Variants in XKR6 observed in about 807,000 individuals in gnomAD.
The protein encoded by XKR6 is XK-related protein 6.
A neutral mutation model predicts 56.7 loss-of-function variants in XKR6; 22 were observed. That is an observed-to-expected ratio of 0.39 (90% confidence interval 0.28 to 0.55). The LOEUF (loss-of-function observed/expected upper bound fraction) is 0.55. Ranked by LOEUF, XKR6 falls within the 20% of genes least tolerant of loss-of-function variation. The probability of loss-of-function intolerance (pLI) is 0.66; values close to 1 mark genes in which losing one functional copy is unlikely to be tolerated. For synonymous variants in XKR6, 524 were observed against 387.8 expected, an observed-to-expected ratio of 1.35 and a Z score of -4.13; for missense variants, 852 against 889.0, an observed-to-expected ratio of 0.96 and a Z score of 0.53.
intron 1 of XKR6, among the ~76,000 whole-genome samples, chr8:11,136,686 C>T (rs929248157): frequency 1.3e-5 from 2 of 152,080 alleles, no homozygotes; most frequent in Non-Finnish European, 2.9e-5. Context: ...ACAGCAAGAA[C>T]GCATTCCCTC....
At chr8:11,197,572 A>G (rs1359003156) in intron 1 of XKR6, among the ~76,000 whole-genome samples, 1 of 152,230 alleles carries the variant, frequency 6.6e-6, no homozygotes, top group African/African-American at 2.4e-5. Flanking sequence ...TGAAAAATAA[A>G]GCACATCAAG....
rs578243059 is a variant in XKR6, at chr8:11,162,686, T to G, written c.764+37890A>C. Among the ~76,000 whole-genome samples, 12 of 152,350 alleles carry G rather than the reference T, an allele frequency of 7.9e-5. 1 individual carries two copies. The Middle Eastern group carries it at 0.01, about 130-fold the overall frequency. Reference sequence around the variant, plus strand: ...AGTCCAACTTCTGACTTTCTAAAAATTTTTAAACATTCTTACAAAAGGCCT... The same window carrying G: ...AGTCCAACTTCTGACTTTCTAAAAAGTTTTAAACATTCTTACAAAAGGCCT... On this transcript the variant is annotated intron_variant, in intron 1 of 2. Transcript: ENST00000416569.
chr8:11,127,281 G>T (rs1179810528), intron 1 of XKR6, among the ~76,000 whole-genome samples: 1 of 152,142 alleles, frequency 6.6e-6, no homozygotes, highest in Non-Finnish European at 1.5e-5. Flanking sequence ...AAGCTCTACT[G>T]CTTTCTTTTC....
chr8:11,148,168 C>G (rs7003183), intron 1 of XKR6, among the ~76,000 whole-genome samples: 8,262 of 152,208 alleles, frequency 0.054, 287 homozygotes, highest in South Asian at 0.11. Context: ...CAAGATCATA[C>G]CACTGTACTC....
At chr8:11,070,976 C>T (rs1477566066) in intron 1 of XKR6, among the ~76,000 whole-genome samples, 2 of 152,166 alleles carry the variant, frequency 1.3e-5, no homozygotes, top group African/African-American at 4.8e-5. Flanking sequence ...GGCGCTATCC[C>T]AAGAAGCTAC....
At chr8:11,023,139 C>T (rs111309377) in intron 1 of XKR6, among the ~76,000 whole-genome samples, 79 of 152,306 alleles carry the variant, frequency 5.2e-4, no homozygotes, top group African/African-American at 1.3e-3. Flanking sequence ...AGTCAGCTGG[C>T]GGTGAGAAAA....
chr8:10,976,192 G>T (rs530466386), intron 1 of XKR6, among the ~76,000 whole-genome samples: 2 of 148,932 alleles, frequency 1.3e-5, no homozygotes, highest in African/African-American at 4.9e-5. Flanking sequence ...AAAAAAAAGT[G>T]CCCCCCCCCA....
chr8:10,940,650 C>T (rs1287253433), intron 1 of XKR6, among the ~76,000 whole-genome samples: 1 of 152,206 alleles, frequency 6.6e-6, no homozygotes, highest in Non-Finnish European at 1.5e-5. Context: ...CCTCCTGGGG[C>T]TCCCAAGATC....
chr8:10,965,528 C>T (rs1325919311), intron 1 of XKR6, among the ~76,000 whole-genome samples: 1 of 152,226 alleles, frequency 6.6e-6, no homozygotes, highest in Non-Finnish European at 1.5e-5. Flanking sequence ...ATTCTCGGTA[C>T]ATACTCATCG....
At chr8:11,072,640 G>T (rs913887424) in intron 1 of XKR6, among the ~76,000 whole-genome samples, 2 of 152,238 alleles carry the variant, frequency 1.3e-5, no homozygotes, top group African/African-American at 4.8e-5. Context: ...GAAGGTGGGG[G>T]CCACCCCTGC....
chr8:10,992,924 A>T (rs1021750331), intron 1 of XKR6, among the ~76,000 whole-genome samples: 3 of 152,198 alleles, frequency 2.0e-5, no homozygotes, highest in Non-Finnish European at 4.4e-5. Context: ...TGAGGTGGCA[A>T]ACTACCTGAG....
chr8:11,157,724 T>C (rs1801590988), intron 1 of XKR6, among the ~76,000 whole-genome samples: 1 of 152,176 alleles, frequency 6.6e-6, no homozygotes, highest in African/African-American at 2.4e-5. Context: ...TCTCACCATG[T>C]TGCTGGGCTC....
At chr8:10,949,242 G>A (rs772594443) in intron 1 of XKR6, among the ~76,000 whole-genome samples, 4 of 152,230 alleles carry the variant, frequency 2.6e-5, no homozygotes, top group South Asian at 2.1e-4. Context: ...CGGAACAACC[G>A]TTTCTAAGTC....
At chr8:11,133,386 G>A (rs1800215052) in intron 1 of XKR6, among the ~76,000 whole-genome samples, 1 of 152,120 alleles carries the variant, frequency 6.6e-6, no homozygotes, top group Non-Finnish European at 1.5e-5. Flanking sequence ...ACCTAACTCA[G>A]AGGACCCTGG....
At chr8:11,008,601 TA>T (rs2129145133) in intron 1 of XKR6, among the ~76,000 whole-genome samples, 1 of 152,132 alleles carries the variant, frequency 6.6e-6, no homozygotes, top group African/African-American at 2.4e-5. Flanking sequence ...TTTCTTTTTT[TA>T]GTACATACGA....
rs1800856898 is a variant in XKR6 at position 10,925,612 on chromosome 8, G to A, written c.765-782C>T. Among the ~76,000 whole-genome samples the A allele has an allele frequency of 2.0e-5, 3 of 152,224 alleles. No homozygotes were observed. In the South Asian group the frequency reaches 6.2e-4, roughly 32 times the overall value. ...GGGCCAAGGAAGCAGGTAGGGGGAA[G>A]AGCAAGGTTCACAGGTCAAGCAGGC... On this transcript the variant is annotated intron_variant, in intron 1 of 2. Transcript: ENST00000416569.
chr8:10,949,765 C>T (rs559460440), intron 1 of XKR6, among the ~76,000 whole-genome samples: 83 of 152,250 alleles, frequency 5.5e-4, no homozygotes, highest in African/African-American at 1.9e-3. Context: ...CGGAGCTCTG[C>T]GGGCAGAGGA....
chr8:11,139,200 A>G (rs1800556255), intron 1 of XKR6, among the ~76,000 whole-genome samples: 1 of 152,252 alleles, frequency 6.6e-6, no homozygotes, highest in Non-Finnish European at 1.5e-5. Context: ...TCCATGAAAT[A>G]AGATAAAATT....
intron 1 of XKR6, among the ~76,000 whole-genome samples, chr8:11,044,146 A>G (rs770083001): frequency 2.0e-5 from 3 of 152,240 alleles, no homozygotes; most frequent in South Asian, 2.1e-4. Context: ...CTGACCGTGG[A>G]CTGGTTCTGG....
Sources: allele counts gnomAD v4.1 joint callset (sites outside exome capture counted in the v4.1 genomes callset), GRCh38; gene constraint gnomAD v4.1.1; transcripts MANE v1.5; gene names NCBI Gene and HGNC (gene_info 2026-07-23, HGNC 2026-07-21).